Variants in CCDC91 observed in about 807,000 individuals in gnomAD.
The protein encoded by CCDC91 is coiled-coil domain-containing protein 91.
In CCDC91, 48 loss-of-function variants were observed where a neutral mutation model predicts 63.2. That is an observed-to-expected ratio of 0.76 (90% CI 0.60 to 0.97). The LOEUF is 0.97. Among genes scored for constraint, CCDC91 ranks in the 50% least tolerant of loss-of-function variants. The pLI is 0.00. For missense variants in CCDC91, 500 were observed against 494.6 expected, an observed-to-expected ratio of 1.01 and a Z score of -0.10; for synonymous variants, 167 against 165.8, an observed-to-expected ratio of 1.01 and a Z score of -0.06.
At chr12:28,251,937 T>G (rs2136104450) in intron 1 of CCDC91, among the ~76,000 whole-genome samples, 1 of 152,256 alleles carries the variant, frequency 6.6e-6, no homozygotes, top group Admixed American at 6.5e-5. Flanking sequence ...CTTTCTTGTC[T>G]TATTCTCTTG....
chr12:28,539,861 T>C (rs1942497969), intron 12 of CCDC91, among the ~76,000 whole-genome samples: 1 of 152,114 alleles, frequency 6.6e-6, no homozygotes. Flanking sequence ...TGTTTAAGAC[T>C]TCAGTGATTC....
chr12:28,477,680 T>A (rs1455946750), intron 11 of CCDC91, among the ~76,000 whole-genome samples: 1 of 152,134 alleles, frequency 6.6e-6, no homozygotes. Flanking sequence ...ATTATCCCTG[T>A]TTGCAGATGA....
At chr12:28,531,626 T>G (rs1941739860) in intron 12 of CCDC91, among the ~76,000 whole-genome samples, 1 of 152,194 alleles carries the variant, frequency 6.6e-6, no homozygotes, top group Admixed American at 6.5e-5. Context: ...GCACACATTA[T>G]TTTTGATGGC....
intron 7 of CCDC91, among the ~76,000 whole-genome samples, chr12:28,382,476 A>G (rs1945355297): frequency 1.3e-5 from 2 of 152,028 alleles, no homozygotes; most frequent in Admixed American, 6.6e-5. Context: ...AAAAAAATTA[A>G]GTGTCATAAT....
chr12:28,201,201 T>G (rs71489465), intron 1 of CCDC91, among the ~76,000 whole-genome samples: 1 of 145,024 alleles, frequency 6.9e-6, no homozygotes, highest in Non-Finnish European at 1.5e-5. Flanking sequence ...ACGGGGTGAC[T>G]GCTGGGCGGA....
chr12:28,278,742 C>A (rs1016623324), intron 3 of CCDC91, among the ~76,000 whole-genome samples: 8 of 152,068 alleles, frequency 5.3e-5, no homozygotes, highest in Non-Finnish European at 8.8e-5. Flanking sequence ...ATGCTGTTCT[C>A]TTTGCCTGGA....
At chr12:28,516,097 A>G (rs926411149) in intron 12 of CCDC91, among the ~76,000 whole-genome samples, 4 of 151,964 alleles carry the variant, frequency 2.6e-5, no homozygotes, top group African/African-American at 9.7e-5. Context: ...TGTTTTCTAC[A>G]TCATCAGTAA....
intron 3 of CCDC91, among the ~76,000 whole-genome samples, chr12:28,273,417 T>C (rs956610049): frequency 9.2e-5 from 14 of 152,216 alleles, no homozygotes; most frequent in Non-Finnish European, 1.9e-4. Flanking sequence ...ATTGCCACAC[T>C]GACTTCCACA....
At chr12:28,396,647 TGTG>T (rs1946308503) in intron 8 of CCDC91, among the ~76,000 whole-genome samples, 1 of 1,728 alleles carries the variant, frequency 5.8e-4, no homozygotes, top group African/African-American at 9.7e-4. Flanking sequence ...GGAGATTTTG[TGTG>T]TGTGTGTGTG....
At chr12:28,522,659 T>C (rs1020560441) in intron 12 of CCDC91, among the ~76,000 whole-genome samples, 1 of 152,200 alleles carries the variant, frequency 6.6e-6, no homozygotes, top group African/African-American at 2.4e-5. Flanking sequence ...CTTTTAATTG[T>C]GATGTTAGGG....
chr12:28,369,621 G>A (rs933042628), intron 7 of CCDC91, among the ~76,000 whole-genome samples: 3 of 152,144 alleles, frequency 2.0e-5, no homozygotes, highest in African/African-American at 7.2e-5. Flanking sequence ...TCTGTGTAGG[G>A]GATCCAACCC....
chr12:28,523,605 C>G (rs1476008514), intron 12 of CCDC91, among the ~76,000 whole-genome samples: 2 of 151,992 alleles, frequency 1.3e-5, no homozygotes, highest in Non-Finnish European at 2.9e-5. Context: ...GTGTGAATTT[C>G]ATCCTGTCAT....
intron 6 of CCDC91, among the ~76,000 whole-genome samples, chr12:28,350,076 G>A (rs537683181): frequency 6.6e-6 from 1 of 152,128 alleles, no homozygotes; most frequent in East Asian, 1.9e-4. Flanking sequence ...TGCTATTAAA[G>A]TTAGCACACA....
chr12:28,389,494 G>A (rs2073757631), intron 7 of CCDC91, among the ~76,000 whole-genome samples: 1 of 151,902 alleles, frequency 6.6e-6, no homozygotes, highest in African/African-American at 2.4e-5. Flanking sequence ...GACATTTCAA[G>A]GAGAATGAGT....
At chr12:28,364,540 G>C (rs1326966671) in intron 7 of CCDC91, among the ~76,000 whole-genome samples, 1 of 152,070 alleles carries the variant, frequency 6.6e-6, no homozygotes, top group Admixed American at 6.5e-5. Context: ...TATTGATTTT[G>C]TCAACTTATT....
At chr12:28,271,453 G>C (rs1208539556) in intron 3 of CCDC91, among the ~76,000 whole-genome samples, 1 of 151,932 alleles carries the variant, frequency 6.6e-6, no homozygotes, top group African/African-American at 2.4e-5. Flanking sequence ...TGCTTTAACT[G>C]TATCTTGCCA....
At chr12:28,291,329 G>A (rs1949233573) in intron 3 of CCDC91, among the ~76,000 whole-genome samples, 1 of 152,198 alleles carries the variant, frequency 6.6e-6, no homozygotes, top group African/African-American at 2.4e-5. Flanking sequence ...AAACTTCATG[G>A]CTCAATTCGT....
intron 11 of CCDC91, among the ~76,000 whole-genome samples, chr12:28,479,605 A>G (rs1354703318): frequency 6.6e-6 from 1 of 152,130 alleles, no homozygotes; most frequent in Admixed American, 6.6e-5. Flanking sequence ...CTAGAACTTA[A>G]AGTATAATAA....
intron 3 of CCDC91, among the ~76,000 whole-genome samples, chr12:28,282,270 A>G (rs1948656616): frequency 6.6e-6 from 1 of 152,062 alleles, no homozygotes; most frequent in Admixed American, 6.6e-5. Flanking sequence ...GCATTGGGGG[A>G]TAATGATGCT....
Sources: gnomAD v4.1 joint callset for allele counts (sites outside exome capture counted in the v4.1 genomes callset) on GRCh38, gnomAD v4.1.1 for gene constraint, MANE v1.5 for transcripts, NCBI Gene and HGNC (gene_info 2026-07-23, HGNC 2026-07-21) for gene names.